Variants in CMSS1 observed in about 807,000 individuals in gnomAD.
CMSS1 encodes the protein cms1 ribosomal small subunit homolog.
In CMSS1, 33 loss-of-function variants were observed where a neutral mutation model predicts 43.5. The observed-to-expected ratio is 0.76, with a 90% CI of 0.57 to 1.01. The LOEUF (loss-of-function observed/expected upper bound fraction) is 1.01. CMSS1 is among the 50% of genes least tolerant of loss of function. The pLI is 0.00. For missense variants in CMSS1, 313 were observed against 326.4 expected (o/e 0.96, Z 0.32); for synonymous variants, 115 against 117.2 (o/e 0.98, Z 0.12).
At chr3:99,923,822 A>G (rs1250133091) in intron 1 of CMSS1, among the ~76,000 whole-genome samples, 2 of 152,158 alleles carry the variant, frequency 1.3e-5, no homozygotes, top group Non-Finnish European at 1.5e-5. Context: ...TCATCCTACA[A>G]TCATGCCCTA....
intron 1 of CMSS1, among the ~76,000 whole-genome samples, chr3:100,063,438 G>A (rs928565953): frequency 1.3e-5 from 2 of 151,786 alleles, no homozygotes; most frequent in Admixed American, 1.3e-4. Context: ...TATCTGAATA[G>A]CTTTTTACTG....
intron 1 of CMSS1, among the ~76,000 whole-genome samples, chr3:99,866,219 A>G (rs1395260014): frequency 1.3e-5 from 2 of 151,598 alleles, no homozygotes; most frequent in African/African-American, 2.4e-5. Flanking sequence ...TCTTACCTTA[A>G]TTGTTGTTCA....
At chr3:100,055,574 T>C (rs527747040) in intron 1 of CMSS1, among the ~76,000 whole-genome samples, 2 of 152,318 alleles carry the variant, frequency 1.3e-5, no homozygotes, top group African/African-American at 4.8e-5. Flanking sequence ...TATACAAAGA[T>C]GCAAAGATAA....
intron 1 of CMSS1, among the ~76,000 whole-genome samples, chr3:99,882,427 T>G (rs79215580): frequency 0.096 from 14,665 of 152,188 alleles, 840 homozygotes; most frequent in African/African-American, 0.16. Flanking sequence ...CTTCCTCATA[T>G]AATGGCTGGA....
chr3:99,849,293 C>A lies in CMSS1; in HGVS notation c.64+31250C>A, dbSNP rs1307087730. 3 of 1,614,142 alleles carry A rather than the reference C, an allele frequency of 1.9e-6. No individual in the cohort carries two copies. In the South Asian group the frequency reaches 3.3e-5, roughly 18 times the overall value. On this transcript the variant is annotated intron_variant, in intron 1 of 9. Coordinates refer to ENST00000421999, the MANE Select transcript of CMSS1 (RefSeq NM_032359.4). ...TCTGTCTGAACTTCTTTAGAAAATA[C>A]TTGAGGATCGGAAATTCTTCTTCCA...
Position 99,842,316 on chromosome 3 carries a change from A to C in CMSS1, c.64+24273A>C, listed in dbSNP as rs945359539. 6.6e-5 allele frequency among the ~76,000 whole-genome samples: 10 copies of C among 152,268 alleles called. No homozygotes were observed. The South Asian group carries it at 8.3e-4, about 13-fold the overall frequency. ...CAGAGGCATAAGAATGATACAGTGC[A>C]CTCTGGGGACTCAGGGGAAAGAGTG... On this transcript the variant is annotated intron_variant, in intron 1 of 9. Transcript: ENST00000421999.
rs1489755032 is a variant in CMSS1, at chr3:99,817,946, G to A, written c.-34G>A. On this transcript the variant is annotated 5_prime_UTR_variant, in exon 1 of 10. In the 5' UTR this introduces an upstream ATG that the reference lacks. Transcript: ENST00000421999. ...ATTCTCCGCAGCTGGTCGCCTACCC[G>A]TGATGTTCTGCCCACGTCGAGACCT... 19 of 1,611,340 alleles carry A rather than the reference G, an allele frequency of 1.2e-5. No individual in the cohort carries two copies. The East Asian group carries it at 2.7e-4, about 23-fold the overall frequency.
chr3:100,010,460 A>T (rs560982484), intron 1 of CMSS1, among the ~76,000 whole-genome samples: 2 of 152,074 alleles, frequency 1.3e-5, no homozygotes, highest in African/African-American at 2.4e-5. Context: ...AAGTTATTAT[A>T]TTTAATGGTA....
chr3:99,848,422 G>C (rs747114419), intron 1 of CMSS1: 2 of 1,614,200 alleles, frequency 1.2e-6, no homozygotes, highest in Non-Finnish European at 1.7e-6. Context: ...CTGCAGTGGT[G>C]CTGAAGGGCT....
At chr3:100,059,808 GTA>G (rs1213259350) in intron 1 of CMSS1, among the ~76,000 whole-genome samples, 1 of 152,130 alleles carries the variant, frequency 6.6e-6, no homozygotes, top group African/African-American at 2.4e-5. Context: ...CTGTGTGTAT[GTA>G]TCATCTCCTG....
At chr3:100,034,853 G>A (rs867811480) in intron 1 of CMSS1, among the ~76,000 whole-genome samples, 7 of 152,126 alleles carry the variant, frequency 4.6e-5, no homozygotes, top group Non-Finnish European at 1.0e-4. Flanking sequence ...ATATACATAC[G>A]AATATATTTG....
At chr3:99,866,028 A>G (rs570754819) in intron 1 of CMSS1, among the ~76,000 whole-genome samples, 7 of 152,224 alleles carry the variant, frequency 4.6e-5, no homozygotes, top group Non-Finnish European at 8.8e-5. Flanking sequence ...AGGATTTAAT[A>G]TGATTCCTTC....
chr3:100,017,099 T>C (rs1380658216), intron 1 of CMSS1, among the ~76,000 whole-genome samples: 1 of 152,254 alleles, frequency 6.6e-6, no homozygotes, highest in African/African-American at 2.4e-5. Flanking sequence ...CTCATTTTGA[T>C]ATTTTTCCTT....
At chr3:100,037,960 G>GT (rs1319777710) in intron 1 of CMSS1, among the ~76,000 whole-genome samples, 3 of 129,374 alleles carry the variant, frequency 2.3e-5, no homozygotes, top group African/African-American at 8.8e-5. Context: ...TTTTTTTGGG[G>GT]GGGGAGGGAA....
chr3:100,000,058 T>C (rs1294398877), intron 1 of CMSS1, among the ~76,000 whole-genome samples: 1 of 152,152 alleles, frequency 6.6e-6, no homozygotes, highest in Non-Finnish European at 1.5e-5. Flanking sequence ...CCCAGGCATC[T>C]CTATTTTTTG....
chr3:99,974,862 A>C (rs1361082536), intron 1 of CMSS1, among the ~76,000 whole-genome samples: 1 of 152,168 alleles, frequency 6.6e-6, no homozygotes, highest in Non-Finnish European at 1.5e-5. Context: ...TCTCTTTCCT[A>C]CCCCTTGGCA....
chr3:99,847,296 T>C (rs951621266), intron 1 of CMSS1, among the ~76,000 whole-genome samples: 2 of 150,994 alleles, frequency 1.3e-5, no homozygotes, highest in African/African-American at 4.8e-5. Context: ...CATTAAGTAA[T>C]TCAAACTGTT....
At chr3:99,868,221 T>C (rs1944616547) in intron 1 of CMSS1, among the ~76,000 whole-genome samples, 2 of 152,194 alleles carry the variant, frequency 1.3e-5, no homozygotes, top group Non-Finnish European at 2.9e-5. Flanking sequence ...CTTGTGGGTT[T>C]CTCACAGGAG....
chr3:100,082,623 CAG>C (rs934785069), intron 1 of CMSS1, among the ~76,000 whole-genome samples: 32 of 152,174 alleles, frequency 2.1e-4, no homozygotes, highest in African/African-American at 6.8e-4. Context: ...CTCTGGGAAA[CAG>C]GGTCCCACAG....
Sources: gnomAD v4.1 joint callset for allele counts (sites outside exome capture counted in the v4.1 genomes callset) on GRCh38, gnomAD v4.1.1 for gene constraint, MANE v1.5 for transcripts, NCBI Gene and HGNC (gene_info 2026-07-23, HGNC 2026-07-21) for gene names.